DMXL2: variants seen among roughly 807,000 people sequenced by gnomAD.
The protein encoded by DMXL2 is dmX-like protein 2.
Under a neutral mutation model 331.1 loss-of-function variants are expected in DMXL2, and 103 were observed. That is an observed-to-expected ratio of 0.31 (90% confidence interval 0.27 to 0.37). The LOEUF is 0.37. Ranked by LOEUF, DMXL2 falls within the 10% of genes least tolerant of loss-of-function variation. The probability of loss-of-function intolerance (pLI) is 1.00; values close to 1 mark genes in which losing one functional copy is unlikely to be tolerated. For missense variants in DMXL2, 3,171 were observed against 3,642.9 expected (o/e 0.87, Z 3.33); for synonymous variants, 1,281 against 1,252.1 (o/e 1.02, Z -0.49).
At chr15:51,566,193 C>G (rs1420968136) in intron 3 of DMXL2, among the ~76,000 whole-genome samples, 1 of 151,328 alleles carries the variant, frequency 6.6e-6, no homozygotes, top group East Asian at 1.9e-4. Context: ...GCCTGGGTCA[C>G]AGAGCAAGAC....
chr15:51,596,061 T>C (rs976670073), intron 1 of DMXL2, among the ~76,000 whole-genome samples: 5 of 152,130 alleles, frequency 3.3e-5, no homozygotes, highest in African/African-American at 7.2e-5. Flanking sequence ...AAAGCCAAAA[T>C]TGACAAAAGG....
intron 1 of DMXL2, among the ~76,000 whole-genome samples, chr15:51,618,342 C>T (rs1185531208): frequency 6.7e-6 from 1 of 149,872 alleles, no homozygotes; most frequent in Admixed American, 6.6e-5. Flanking sequence ...ACCCACAAAG[C>T]TTAGCACACC....
chr15:51,471,664 A>C (rs1454491388), intron 28 of DMXL2, among the ~76,000 whole-genome samples: 1 of 152,212 alleles, frequency 6.6e-6, no homozygotes, highest in Non-Finnish European at 1.5e-5. Flanking sequence ...AAATACACTA[A>C]ATAAGTGGTA....
In DMXL2 at chr15:51,480,004, G is replaced by A. The variant is rs572030763; in HGVS notation, c.6700C>T (p.Leu2234Phe). 6.3e-7 allele frequency: 1 copy of A among 1,585,720 alleles called. No individual in the cohort carries two copies. The highest frequency in any genetic ancestry group is 1.1e-5 in the South Asian group (1 of 88,666). ...LYLNNHIHDI[L>F]YTIVQMKTPP... ...GTTTTCATCTGAACAATAGTATAAA[G>A]TATATCATGGATGTGATTATTTAAG... The change falls in exon 25 of 44, where the codon CTT becomes TTT. Residue 2234 changes from leucine (L) to phenylalanine (F), a missense_variant. Around this residue, in one of 7 missense-constraint regions of DMXL2, gnomAD observed 197 missense variants for 196.2 expected, o/e 1.00. Transcript: ENST00000560891.
intron 1 of DMXL2, among the ~76,000 whole-genome samples, chr15:51,580,348 T>A (rs569498886): frequency 1.5e-3 from 226 of 152,290 alleles, no homozygotes; most frequent in African/African-American, 5.4e-3. Flanking sequence ...TTGTGTTAGA[T>A]AAATGAAATA....
intron 39 of DMXL2, among the ~76,000 whole-genome samples, 156 bp downstream of exon 39, chr15:51,455,910 G>T: frequency 6.6e-6 from 1 of 152,038 alleles, no homozygotes; most frequent in East Asian, 1.9e-4. Context: ...TGCTTCTATT[G>T]GAAGAAAAGA....
At chr15:51,601,184 G>A (rs764595782) in intron 1 of DMXL2, among the ~76,000 whole-genome samples, 4 of 151,546 alleles carry the variant, frequency 2.6e-5, no homozygotes, top group Admixed American at 6.6e-5. Context: ...CCAGCTACTC[G>A]GGAGGCTGAG....
chr15:51,566,347 T>G (rs771834147), intron 3 of DMXL2, among the ~76,000 whole-genome samples: 11 of 152,010 alleles, frequency 7.2e-5, no homozygotes, highest in Non-Finnish European at 1.5e-5. Context: ...AAAATGCTAT[T>G]TTTAAACCCT....
intron 1 of DMXL2, among the ~76,000 whole-genome samples, chr15:51,587,931 AT>A (rs1174025629): frequency 6.6e-6 from 1 of 151,972 alleles, no homozygotes; most frequent in African/African-American, 2.4e-5. Flanking sequence ...GATGATGAGC[AT>A]TTTTTCAGAT....
rs566090603 is a variant in DMXL2 at position 51,558,575 on chromosome 15, G to T, written c.567+4806C>A. ...TTCTACTTTGAAATTGTTAGTTATT[G>T]GAACTACTACTAAACCGCACATGAT... is the stretch of plus-strand genomic sequence containing the variant. On this transcript the variant is annotated intron_variant, in intron 6 of 43. Transcript: ENST00000560891. 2.6e-5 allele frequency among the ~76,000 whole-genome samples: 4 copies of T among 152,222 alleles called. No homozygotes were observed. The South Asian group carries it at 6.2e-4, about 24-fold the overall frequency.
At chr15:51,565,827 T>C (rs1007186265) in intron 3 of DMXL2, among the ~76,000 whole-genome samples, 1 of 152,252 alleles carries the variant, frequency 6.6e-6, no homozygotes, top group African/African-American at 2.4e-5. Context: ...GTTAACGGCT[T>C]GGCAAATAAT....
In DMXL2 at chr15:51,457,460, A is replaced by C. The variant is rs766772630; in HGVS notation, c.8205T>G (p.Asp2735Glu). The change falls in exon 37 of 44, where the codon GAT becomes GAG. Residue 2735 changes from aspartate to glutamate, a missense_variant. Physicochemically the swap from Asp to Glu is conservative, Grantham distance 45. This residue lies in a region of DMXL2 where 766 missense variants were observed against 940.5 expected (regional missense o/e 0.81). Coordinates refer to ENST00000560891, the MANE Select transcript of DMXL2 (RefSeq NM_001378457.1). ...EEYDRESKSS[D>E]DVDYRGSTTT... is the part of the protein sequence containing the mutation. The stretch of plus-strand genomic sequence containing the variant: ...TAGTGGAACCACGATAATCAACATC[A>C]TCTGAACTGTGAAAAACATTCATGT... The C allele has an allele frequency of 1.2e-6, 2 of 1,614,022 alleles. No homozygotes were observed. The highest frequency in any genetic ancestry group is 1.7e-6 in the Non-Finnish European group (2 of 1,179,954).
At chr15:51,452,971 G>C (rs1486103761) in intron 41 of DMXL2, among the ~76,000 whole-genome samples, 1 of 152,184 alleles carries the variant, frequency 6.6e-6, no homozygotes, top group East Asian at 1.9e-4. Context: ...ATTATTCTAA[G>C]TGAAGTAACT....
intron 13 of DMXL2, among the ~76,000 whole-genome samples, chr15:51,532,161 A>T: frequency 6.6e-6 from 1 of 152,098 alleles, no homozygotes; most frequent in Admixed American, 6.6e-5. Context: ...GAAAAAAAAA[A>T]TGTGGTACTT....
intron 8 of DMXL2, among the ~76,000 whole-genome samples, chr15:51,543,662 G>A (rs554432656): frequency 6.6e-6 from 1 of 152,100 alleles, no homozygotes; most frequent in Non-Finnish European, 1.5e-5. Flanking sequence ...CTAACAGTAA[G>A]GAGTTCCATA....
chr15:51,560,505 A>C (rs983572082), intron 6 of DMXL2, among the ~76,000 whole-genome samples: 5 of 13,216 alleles, frequency 3.8e-4, no homozygotes, highest in Non-Finnish European at 9.4e-4. Flanking sequence ...TATTTCTACC[A>C]AAAAAAAAAA....
rs1305179902 is a variant in DMXL2 at position 51,595,814 on chromosome 15, C to T, written c.88-19633G>A. ...TGACAAACCTGACAAAAGCAAGAAA[C>T]GGGGAAAGGATTTCTTATTTAATAA... is the stretch of plus-strand genomic sequence containing the variant. On this transcript the variant is annotated intron_variant, in intron 1 of 43. Transcript: ENST00000560891. Among the ~76,000 whole-genome samples the T allele has an allele frequency of 1.2e-4, 18 of 151,994 alleles. 1 individual carries two copies. Among genetic ancestry groups the T allele is most frequent in the South Asian group, 4.1e-4 (2 of 4,824 alleles).
chr15:51,578,090 T>C (rs1595591548), intron 1 of DMXL2, among the ~76,000 whole-genome samples: 2 of 152,296 alleles, frequency 1.3e-5, no homozygotes, highest in South Asian at 4.1e-4. Context: ...CATAAAATAG[T>C]AGAAGACAGA....
intron 3 of DMXL2, among the ~76,000 whole-genome samples, chr15:51,566,233 GTGTGTGTGTGTGTGTGTGTGT>G (rs2050270926): frequency 0.01 from 152 of 14,596 alleles, 1 homozygote; most frequent in Middle Eastern, 0.059. Flanking sequence ...TGTGTGTGGG[GTGTGTGTGTGTGTGTGTGTGT>G]GTGTGTGTGT....
Sources: gnomAD v4.1 joint callset for allele counts (sites outside exome capture counted in the v4.1 genomes callset) on GRCh38, gnomAD v4.1.1 for gene constraint, gnomAD v4.1.1 regional missense constraint, MANE v1.5 for transcripts, NCBI Gene and HGNC (gene_info 2026-07-23, HGNC 2026-07-21) for gene names.